CNTN4: variants seen among roughly 807,000 people sequenced by gnomAD.
CNTN4 encodes contactin 4.
A neutral mutation model predicts 122.5 loss-of-function variants in CNTN4; 77 were observed. That is an observed-to-expected ratio of 0.63 (90% confidence interval 0.52 to 0.76). The LOEUF (loss-of-function observed/expected upper bound fraction) is 0.76. Ranked by LOEUF, CNTN4 falls within the 30% of genes least tolerant of loss-of-function variation. The pLI is 0.00. For missense variants in CNTN4, 1,256 were observed against 1,259.1 expected, an observed-to-expected ratio of 1.00 and a Z score of 0.04; for synonymous variants, 512 against 447.0, an observed-to-expected ratio of 1.15 and a Z score of -1.83.
chr3:2,578,511 T>TC (rs1403968417), intron 4 of CNTN4, among the ~76,000 whole-genome samples: 1 of 152,084 alleles, frequency 6.6e-6, no homozygotes, highest in Admixed American at 6.6e-5. Context: ...TCTCACATTT[T>TC]CCCCCAGAAT....
chr3:2,958,027 G>C (rs755519597), intron 13 of CNTN4, among the ~76,000 whole-genome samples: 2 of 152,056 alleles, frequency 1.3e-5, no homozygotes, highest in South Asian at 2.1e-4. Context: ...ATTTTGATTT[G>C]TCTAATGGAT....
chr3:2,600,759 C>T (rs1478290138), intron 4 of CNTN4, among the ~76,000 whole-genome samples: 5 of 152,164 alleles, frequency 3.3e-5, no homozygotes, highest in Non-Finnish European at 5.9e-5. Flanking sequence ...AGTTCTAGAT[C>T]CTTGAGGAAT....
chr3:2,235,884 A>G (rs1332946153), intron 2 of CNTN4, among the ~76,000 whole-genome samples: 1 of 152,162 alleles, frequency 6.6e-6, no homozygotes, highest in Non-Finnish European at 1.5e-5. Context: ...TACAAATACG[A>G]GGCATTATCT....
rs1284929324 is a variant in CNTN4, at chr3:3,056,124, C to T, written c.2985C>T (p.Ala995=). The change falls in exon 25 of 25, where the codon GCC becomes GCT. Residue 995 remains alanine (A), a synonymous_variant. Transcript: ENST00000418658. ...GAATTTGTTCTCTCTTTTCAGATGC[C>T]TACGCGAGAGGATCTGGGGCTTCCA... The part of the protein sequence containing the change: ...EQIRIPKISN[A]YARGSGASTS... 1.2e-6 allele frequency: 2 copies of T among 1,613,484 alleles called. No individual in the cohort carries two copies.
intron 12 of CNTN4, among the ~76,000 whole-genome samples, chr3:2,920,410 A>G (rs537326628): frequency 6.6e-6 from 1 of 151,492 alleles, no homozygotes; most frequent in African/African-American, 2.4e-5. Flanking sequence ...CCCAGTCTAC[A>G]TGTGTGATAC....
intron 3 of CNTN4, among the ~76,000 whole-genome samples, chr3:2,452,896 A>T (rs755965645): frequency 2.0e-5 from 3 of 152,160 alleles, no homozygotes; most frequent in Admixed American, 6.6e-5. Context: ...TTCTCCATGA[A>T]CTCTAAAAAA....
At chr3:2,213,592 T>C (rs1322813559) in intron 2 of CNTN4, among the ~76,000 whole-genome samples, 1 of 152,152 alleles carries the variant, frequency 6.6e-6, no homozygotes, top group South Asian at 2.1e-4. Context: ...GAGTCTCAAA[T>C]GTAGCATATG....
intron 6 of CNTN4, among the ~76,000 whole-genome samples, chr3:2,812,013 C>G (rs1199359042): frequency 6.6e-6 from 1 of 152,094 alleles, no homozygotes; most frequent in Non-Finnish European, 1.5e-5. Context: ...GGCCGTTATC[C>G]TCAGCAAATT....
chr3:2,523,562 C>T (rs1029357691), intron 3 of CNTN4, among the ~76,000 whole-genome samples: 1 of 151,900 alleles, frequency 6.6e-6, no homozygotes, highest in African/African-American at 2.4e-5. Flanking sequence ...AGATTTATGC[C>T]TCAAGTCTGG....
At chr3:2,580,960 G>T (rs1288863470) in intron 4 of CNTN4, among the ~76,000 whole-genome samples, 4 of 152,138 alleles carry the variant, frequency 2.6e-5, no homozygotes, top group Non-Finnish European at 2.9e-5. Context: ...GCTTTTAATT[G>T]TCATGCTATG....
chr3:3,027,524 G>T (rs571894072), intron 15 of CNTN4, among the ~76,000 whole-genome samples: 36 of 152,296 alleles, frequency 2.4e-4, no homozygotes, highest in African/African-American at 7.9e-4. Flanking sequence ...GTCTAGGAAA[G>T]TACATAGCCC....
Position 3,034,841 on chromosome 3 carries a change from A to ATGTG in CNTN4, c.1942+51_1942+52insTGTG, listed in dbSNP as rs756036611. On this transcript the variant is annotated intron_variant, in intron 17 of 24. Transcript: ENST00000418658. ...AGACATTGGGAACTCAGCATACTGG[A>ATGTG]CACAGCACTGTGGCAAGGAACGTCT... is the stretch of plus-strand genomic sequence containing the variant. 7.0e-6 allele frequency: 11 copies of ATGTG among 1,582,282 alleles called. No homozygotes were observed. The African/African-American group carries it at 1.1e-4, about 15-fold the overall frequency.
At chr3:2,860,650 C>T (rs1161300424) in intron 7 of CNTN4, among the ~76,000 whole-genome samples, 1 of 152,216 alleles carries the variant, frequency 6.6e-6, no homozygotes, top group Non-Finnish European at 1.5e-5. Flanking sequence ...TCATCTAAGA[C>T]ACTGCCCCTC....
intron 2 of CNTN4, among the ~76,000 whole-genome samples, chr3:2,260,940 A>T (rs1198135092): frequency 2.0e-5 from 3 of 152,020 alleles, no homozygotes; most frequent in Admixed American, 2.0e-4. Flanking sequence ...CATGTTGGCC[A>T]GGCTGGTCTC....
At chr3:2,367,656 G>T (rs1174643615) in intron 3 of CNTN4, among the ~76,000 whole-genome samples, 1 of 152,072 alleles carries the variant, frequency 6.6e-6, no homozygotes, top group Non-Finnish European at 1.5e-5. Flanking sequence ...GCTAATTTTT[G>T]TAATTTTAGT....
chr3:2,863,771 A>G (rs1382770600), intron 7 of CNTN4, among the ~76,000 whole-genome samples: 3 of 152,078 alleles, frequency 2.0e-5, no homozygotes, highest in Admixed American at 6.5e-5. Context: ...GGACATTGGC[A>G]TGACAAAATC....
chr3:2,186,881 G>C (rs909647315), intron 2 of CNTN4, among the ~76,000 whole-genome samples: 1 of 152,132 alleles, frequency 6.6e-6, no homozygotes, highest in Non-Finnish European at 1.5e-5. Flanking sequence ...TAGGTTGCCT[G>C]TTCACTCTGA....
intron 3 of CNTN4, among the ~76,000 whole-genome samples, chr3:2,559,323 T>G (rs989273325): frequency 3.3e-5 from 5 of 152,178 alleles, no homozygotes; most frequent in Non-Finnish European, 5.9e-5. Context: ...TCTATTTTTA[T>G]TTTTGAATGT....
chr3:2,502,187 A>G (rs2076612137), intron 3 of CNTN4, among the ~76,000 whole-genome samples: 1 of 152,130 alleles, frequency 6.6e-6, no homozygotes. Flanking sequence ...GGACTTGAAC[A>G]TTTAGTGGGG....
Sources: gnomAD v4.1 joint callset for allele counts (sites outside exome capture counted in the v4.1 genomes callset) on GRCh38, gnomAD v4.1.1 for gene constraint, MANE v1.5 for transcripts, NCBI Gene and HGNC (gene_info 2026-07-23, HGNC 2026-07-21) for gene names.